TDRD12: variants seen among roughly 807,000 people sequenced by gnomAD.
TDRD12 encodes tudor domain containing 12.
A neutral mutation model predicts 133.5 loss-of-function variants in TDRD12; 158 were observed. The observed-to-expected ratio is 1.18, with a 90% CI of 1.04 to 1.35. The LOEUF (loss-of-function observed/expected upper bound fraction) is 1.35. TDRD12 is among the 40% of genes most tolerant of loss of function. TDRD12 has a pLI of 0.00. For missense variants in TDRD12, 1,443 were observed against 1,321.3 expected (o/e 1.09, Z -1.43); for synonymous variants, 460 against 477.9 (o/e 0.96, Z 0.49).
At chr19:32,808,238 C>T (rs549559422) in intron 22 of TDRD12, among the ~76,000 whole-genome samples, 4 of 152,166 alleles carry the variant, frequency 2.6e-5, no homozygotes, top group Middle Eastern at 6.8e-3. Context: ...TTTGAGCATA[C>T]AATTTCTCTC....
At chr19:32,765,056 A>G (rs1970256947) in intron 8 of TDRD12, among the ~76,000 whole-genome samples, 1 of 152,144 alleles carries the variant, frequency 6.6e-6, no homozygotes, top group African/African-American at 2.4e-5. Context: ...AAAACAAACA[A>G]CCCCATCAGC....
Position 32,774,613 on chromosome 19 carries a change from G to C in TDRD12, c.1040+1081G>C, listed in dbSNP as rs143658765. On this transcript the variant is annotated intron_variant, in intron 10 of 27. Coordinates refer to ENST00000444215, the Ensembl canonical transcript of TDRD12. The stretch of plus-strand genomic sequence containing the variant: ...CCCAGCACTGCCTCTGCTGTCACCA[G>C]TGCCTTTGTTCCTCTGCTGTTTCCT... Among the ~76,000 whole-genome samples the C allele has an allele frequency of 9.2e-5, 14 of 152,242 alleles. 1 individual carries two copies. Among genetic ancestry groups the C allele is most frequent in the African/African-American group, 1.4e-4 (6 of 41,548 alleles).
Position 32,738,837 on chromosome 19 carries a change from C to G in TDRD12, c.184-19C>G. The G allele has an allele frequency of 6.9e-7, 1 of 1,458,150 alleles. No homozygotes were observed. The highest frequency in any genetic ancestry group is 1.5e-5 in the South Asian group (1 of 65,206). 90.3% of individuals were successfully genotyped at this position (1,458,150 alleles called of 1,614,324 possible). ...CAAAAAAATAAATAAATAAAAATAA[C>G]TCTCTGTTTATTTTGCAGGTGTGTG... On this transcript the variant is annotated intron_variant, in intron 2 of 27. Transcript: ENST00000444215.
intron 25 of TDRD12, among the ~76,000 whole-genome samples, chr19:32,814,461 G>A (rs868693708): frequency 6.6e-6 from 1 of 152,190 alleles, no homozygotes; most frequent in Admixed American, 6.5e-5. Context: ...GTTTTAACAT[G>A]TTAAAAGGGA....
intron 6 of TDRD12, among the ~76,000 whole-genome samples, chr19:32,751,731 C>T (rs1219312558): frequency 6.6e-6 from 1 of 152,164 alleles, no homozygotes; most frequent in African/African-American, 2.4e-5. Context: ...AGGTGGGCAC[C>T]ACCATGCCCA....
At chr19:32,740,240 C>T (rs1969377215) in intron 3 of TDRD12, among the ~76,000 whole-genome samples, 1 of 90,808 alleles carries the variant, frequency 1.1e-5, no homozygotes, top group Non-Finnish European at 2.1e-5. Flanking sequence ...CTCCTGGGCA[C>T]TCTCTGCATC....
chr19:32,726,355 AG>A (rs1263932294), intron 1 of TDRD12, among the ~76,000 whole-genome samples: 5 of 152,160 alleles, frequency 3.3e-5, no homozygotes, highest in African/African-American at 1.2e-4. Flanking sequence ...CTGGGATTAC[AG>A]GCGTGAACCA....
At chr19:32,791,890 T>C (rs1185910907) in intron 13 of TDRD12, among the ~76,000 whole-genome samples, 1 of 151,420 alleles carries the variant, frequency 6.6e-6, no homozygotes, top group Non-Finnish European at 1.5e-5. Context: ...AGTGTCTTGC[T>C]GTCCACCATG....
At chr19:32,738,835 A>C in intron 2 of TDRD12, 21 bp from the exon 3 acceptor site, 1 of 1,545,900 alleles carries the variant, frequency 6.5e-7, no homozygotes, top group Non-Finnish European at 8.7e-7. Context: ...AAATAAAAAT[A>C]ACTCTCTGTT....
intron 2 of TDRD12, 72 bp downstream of exon 2, chr19:32,731,955 A>G: frequency 7.2e-7 from 1 of 1,396,590 alleles, no homozygotes; most frequent in Non-Finnish European, 9.5e-7. Context: ...TTTGGCAACG[A>G]TGATGATTCA....
chr19:32,768,998 C>T (rs1970371783), intron 8 of TDRD12, among the ~76,000 whole-genome samples: 1 of 152,154 alleles, frequency 6.6e-6, no homozygotes, highest in Non-Finnish European at 1.5e-5. Flanking sequence ...CTGCTTCAGC[C>T]TCCCGAAGTG....
chr19:32,772,929 G>A (rs540238400), intron 9 of TDRD12, 79 bp downstream of exon 9: 341 of 748,148 alleles, frequency 4.6e-4, no homozygotes, highest in Non-Finnish European at 5.4e-4. Flanking sequence ...AAATCTATCT[G>A]AAACCAAAAA....
chr19:32,728,645 CTTTTTTTTTT>C (rs61327045), intron 1 of TDRD12, among the ~76,000 whole-genome samples: 1 of 129,104 alleles, frequency 7.7e-6, no homozygotes, highest in Non-Finnish European at 1.6e-5. Flanking sequence ...TTTTCTTTTC[CTTTTTTTTTT>C]TTTTTTTGTG....
Position 32,777,237 on chromosome 19 carries a change from T to G in TDRD12, c.1121+8T>G. On this transcript the variant is annotated splice_region_variant and intron_variant, in intron 11 of 27. Coordinates refer to ENST00000444215, the Ensembl canonical transcript of TDRD12. Reference sequence around the variant, plus strand: ...GAAGAATAGCTGTGTGAAGTAAGAATTTTTTCCTTGGCCTGAATTGTGTAT... The same window carrying G: ...GAAGAATAGCTGTGTGAAGTAAGAAGTTTTTCCTTGGCCTGAATTGTGTAT... The G allele has an allele frequency of 6.7e-7, 1 of 1,495,724 alleles. No homozygotes were observed. Among genetic ancestry groups the G allele is most frequent in the Non-Finnish European group, 9.0e-7 (1 of 1,114,476 alleles). The allele number at this position is 1,495,724 out of a possible 1,614,324, so 92.7% of individuals were successfully genotyped here. A position where few individuals can be genotyped will look rare whatever the true frequency, so the allele number is the denominator to read the frequency against.
In TDRD12 at chr19:32,755,469, G is replaced by A. The variant is rs185001829; in HGVS notation, c.583-523G>A. ...TAATGATGGTTTTATATGCTTATTT[G>A]CAATCTTCAGACTTTGATGAAGCAG... On this transcript the variant is annotated intron_variant, in intron 6 of 27. Transcript: ENST00000444215. Among the ~76,000 whole-genome samples the A allele has an allele frequency of 7.3e-3, 1,109 of 152,296 alleles. 18 individuals are homozygous for A. The highest frequency in any genetic ancestry group is 6.9e-3 in the Non-Finnish European group (472 of 68,020).
In TDRD12 at chr19:32,750,453, A is replaced by G. The variant is rs148988903; in HGVS notation, c.582+584A>G. ...GATTTTTTAAAAATTGTATTTTGAA[A>G]TAGACTTACAGAAGAGATGCAGAAA... is the stretch of plus-strand genomic sequence containing the variant. On this transcript the variant is annotated intron_variant, in intron 6 of 27. Coordinates refer to ENST00000444215, the Ensembl canonical transcript of TDRD12. 1.9e-3 allele frequency among the ~76,000 whole-genome samples: 295 copies of G among 152,376 alleles called. 1 individual carries two copies. The highest frequency in any genetic ancestry group is 6.8e-3 in the African/African-American group (284 of 41,580).
intron 19 of TDRD12, 73 bp downstream of exon 19, chr19:32,801,946 A>G: frequency 7.9e-6 from 4 of 506,414 alleles, no homozygotes; most frequent in Non-Finnish European, 1.3e-5. Context: ...ATTCATTTAT[A>G]TATCTCATCT....
chr19:32,756,012 T>C (rs1209406555), exon 7 of TDRD12: 1 of 1,468,534 alleles, frequency 6.8e-7, no homozygotes, highest in African/African-American at 1.5e-5. Flanking sequence ...ATGATGATCT[T>C]GTTGCAAAGA....
chr19:32,806,396 G>A (rs1351446142), intron 21 of TDRD12, among the ~76,000 whole-genome samples: 1 of 145,864 alleles, frequency 6.9e-6, no homozygotes, highest in Non-Finnish European at 1.5e-5. Context: ...AGGCTAGAGT[G>A]CAATGGCGTG....
Sources: gnomAD v4.1 joint callset for allele counts (sites outside exome capture counted in the v4.1 genomes callset) on GRCh38, gnomAD v4.1.1 for gene constraint, MANE v1.5 for transcripts, NCBI Gene and HGNC (gene_info 2026-07-23, HGNC 2026-07-21) for gene names.